CSMD2: variants seen among roughly 807,000 people sequenced by gnomAD.
CSMD2 encodes CUB and Sushi multiple domains 2.
CSMD2 carries 130 observed loss-of-function variants against 398.5 expected under a neutral mutation model. That is an observed-to-expected ratio of 0.33 (90% confidence interval 0.28 to 0.38). CSMD2 has a LOEUF of 0.38. Among genes scored for constraint, CSMD2 ranks in the 10% least tolerant of loss-of-function variants. CSMD2 has a pLI of 1.00. For missense variants in CSMD2, 3,829 were observed against 4,764.9 expected (o/e 0.80, Z 5.78); for synonymous variants, 1,828 against 1,908.5 (o/e 0.96, Z 1.10).
intron 4 of CSMD2, among the ~76,000 whole-genome samples, chr1:33,925,984 G>A (rs774829782): frequency 1.8e-4 from 27 of 152,112 alleles, no homozygotes; most frequent in Non-Finnish European, 2.8e-4. Context: ...CTGCTTCCTC[G>A]AGGATCTTTA....
At chr1:33,580,958 G>A (rs1638658004) in intron 47 of CSMD2, 59 bp from the exon 48 acceptor site, 15 of 1,582,458 alleles carry the variant, frequency 9.5e-6, no homozygotes, top group Middle Eastern at 3.7e-4. Context: ...GAGCCTCCAG[G>A]GAAGACCTCA....
At position 33,725,340 on chromosome 1, in the gene CSMD2, G is replaced by A. The variant is rs774738904; in HGVS notation, c.2695+9C>T. On this transcript the variant is annotated intron_variant, in intron 17 of 70. Transcript: ENST00000373381. ...TGTCATCCCTTTTCCTGAGCCCACT[G>A]AGACTCACTCTCATAGCGGAGCTGG... The A allele has an allele frequency of 1.2e-6, 2 of 1,612,658 alleles. No homozygotes were observed. Among genetic ancestry groups the A allele is most frequent in the Admixed American group, 1.7e-5 (1 of 60,014 alleles).
chr1:33,907,463 G>A (rs1412623293), intron 5 of CSMD2, among the ~76,000 whole-genome samples: 1 of 152,058 alleles, frequency 6.6e-6, no homozygotes, highest in Non-Finnish European at 1.5e-5. Context: ...ATTTCAGGAG[G>A]AGGCTGGAGG....
In CSMD2 at chr1:33,739,180, C is replaced by T. The variant is rs1397361617; in HGVS notation, c.2328G>A (p.Glu776=). The change falls in exon 15 of 71, where the codon GAG becomes GAA. Residue 776 remains glutamate, a synonymous_variant. Coordinates refer to ENST00000373381, the MANE Select transcript of CSMD2 (RefSeq NM_001281956.2). ...CAGCGCTGTTCCAGACCACGCTGCC[C>T]TCCTTCAGGACGCAGGTGATGGTCT... ...GSETITCVLK[E]GSVVWNSAVL... The T allele has an allele frequency of 1.2e-6, 2 of 1,614,042 alleles. No individual in the cohort carries two copies. The highest frequency in any genetic ancestry group is 2.2e-5 in the East Asian group (1 of 44,882).
At chr1:34,072,442 A>G (rs1004838892) in intron 2 of CSMD2, among the ~76,000 whole-genome samples, 2 of 152,122 alleles carry the variant, frequency 1.3e-5, no homozygotes, top group African/African-American at 4.8e-5. Flanking sequence ...GAAACTTCCT[A>G]TCTCAGCAAC....
intron 1 of CSMD2, among the ~76,000 whole-genome samples, chr1:34,142,350 C>G (rs763927801): frequency 6.6e-6 from 1 of 152,158 alleles, no homozygotes; most frequent in Non-Finnish European, 1.5e-5. Flanking sequence ...GGCCCAAGAT[C>G]GGCTCTTCTC....
At chr1:34,044,020 C>T (rs553697108) in intron 2 of CSMD2, among the ~76,000 whole-genome samples, 1 of 152,208 alleles carries the variant, frequency 6.6e-6, no homozygotes, top group Non-Finnish European at 1.5e-5. Context: ...TCCCAGCCAT[C>T]GCCCCAGGAT....
chr1:33,626,363 A>G (rs1642128817), intron 33 of CSMD2, 123 bp downstream of exon 33: 1 of 577,230 alleles, frequency 1.7e-6, no homozygotes, highest in Non-Finnish European at 2.9e-6. Flanking sequence ...CAAACTAGTA[A>G]CTGCCCCCAA....
intron 3 of CSMD2, among the ~76,000 whole-genome samples, chr1:33,994,398 C>A (rs1646659730): frequency 6.6e-6 from 1 of 152,042 alleles, no homozygotes; most frequent in Admixed American, 6.5e-5. Flanking sequence ...TGACCACTGC[C>A]TCCCACTAGG....
At chr1:33,655,073 G>A (rs1186442276) in intron 27 of CSMD2, among the ~76,000 whole-genome samples, 1 of 152,224 alleles carries the variant, frequency 6.6e-6, no homozygotes. Flanking sequence ...GGCTCCTACT[G>A]CTCAGGGTTA....
chr1:33,771,132 C>A (rs1277367518), intron 13 of CSMD2, among the ~76,000 whole-genome samples: 1 of 152,192 alleles, frequency 6.6e-6, no homozygotes, highest in Non-Finnish European at 1.5e-5. Context: ...CTCCATTTCT[C>A]CCTGCCTTGT....
chr1:33,537,565 C>G lies in CSMD2; in HGVS notation c.9676G>C (p.Glu3226Gln), dbSNP rs1280017422. The G allele has an allele frequency of 1.5e-5, 25 of 1,614,172 alleles. No homozygotes were observed. Among genetic ancestry groups the G allele is most frequent in the Non-Finnish European group, 2.0e-5 (24 of 1,180,018 alleles). ...GACCTGTAGGAGAAGCCTCGGTCCT[C>G]TCTCCTCCCACGGGACGGGACACCA... is the stretch of plus-strand genomic sequence containing the variant. Reference protein sequence around the residue: ...DPGVPSRGRREDRGFSYRSSV... With the variant: ...DPGVPSRGRRQDRGFSYRSSV... The change falls in exon 61 of 71, where the codon GAG (glutamate) becomes CAG (glutamine). Residue 3226 changes from glutamate to glutamine, a missense_variant. Physicochemically the swap from Glu to Gln is conservative, Grantham distance 29. Around this residue, in one of 5 missense-constraint regions of CSMD2, gnomAD observed 917 missense variants for 1,199.5 expected, o/e 0.76. Transcript: ENST00000373381. The surrounding 1 kb of genome is among the most constrained non-coding windows in gnomAD (Gnocchi z 4.6).
intron 60 of CSMD2, among the ~76,000 whole-genome samples, chr1:33,539,509 A>G (rs574657585): frequency 2.0e-5 from 3 of 152,376 alleles, no homozygotes; most frequent in South Asian, 2.1e-4. Flanking sequence ...CAGTATGTAC[A>G]GCATGAGCCA....
rs147996200 is a variant in CSMD2 at position 34,145,000 on chromosome 1, G to A, written c.187+19911C>T. Among the ~76,000 whole-genome samples, 258 of 152,350 alleles carry A rather than the reference G, an allele frequency of 1.7e-3. 2 individuals are homozygous for A. Among genetic ancestry groups the A allele is most frequent in the African/African-American group, 6.1e-3 (252 of 41,590 alleles). On this transcript the variant is annotated intron_variant, in intron 1 of 70. Coordinates refer to ENST00000373381, the MANE Select transcript of CSMD2 (RefSeq NM_001281956.2). The stretch of plus-strand genomic sequence containing the variant: ...CCACTCTGATCGGTGAGACCGAGCT[G>A]TGGCCCTTGGGGGACACCAGAGGCT...
At chr1:33,973,560 C>T (rs1439662549) in intron 3 of CSMD2, among the ~76,000 whole-genome samples, 1 of 152,210 alleles carries the variant, frequency 6.6e-6, no homozygotes, top group Non-Finnish European at 1.5e-5. Flanking sequence ...GGTGTGATAA[C>T]TGCATTGAGA....
At chr1:33,999,783 T>C (rs557702) in intron 3 of CSMD2, among the ~76,000 whole-genome samples, 26,506 of 152,028 alleles carry the variant, frequency 0.17, 4,208 homozygotes, top group East Asian at 0.4. Flanking sequence ...TAACTGGACA[T>C]ACACTCCAAG....
At chr1:33,528,151 G>C (rs1654949208) in intron 64 of CSMD2, among the ~76,000 whole-genome samples, 1 of 152,190 alleles carries the variant, frequency 6.6e-6, no homozygotes, top group African/African-American at 2.4e-5. Context: ...GCCTGGGCCA[G>C]ACAGCCAAGG....
chr1:33,865,577 G>T (rs1570325451), intron 5 of CSMD2, among the ~76,000 whole-genome samples: 1 of 152,158 alleles, frequency 6.6e-6, no homozygotes, highest in East Asian at 1.9e-4. Flanking sequence ...TGGCTCAGTG[G>T]TGGGCATGTG....
intron 3 of CSMD2, among the ~76,000 whole-genome samples, chr1:33,981,019 G>A (rs952472791): frequency 6.6e-6 from 1 of 152,240 alleles, no homozygotes; most frequent in South Asian, 2.1e-4. Context: ...TAGACCAGGC[G>A]AACCAGTCTT....
Sources: gnomAD v4.1 joint callset for allele counts (sites outside exome capture counted in the v4.1 genomes callset) on GRCh38, gnomAD v4.1.1 for gene constraint, gnomAD v4.1.1 regional missense constraint, Gnocchi (gnomAD v3.1) non-coding constraint, MANE v1.5 for transcripts, NCBI Gene and HGNC (gene_info 2026-07-23, HGNC 2026-07-21) for gene names.